Variants in HS3ST4 observed in about 807,000 individuals in gnomAD.
HS3ST4 encodes the protein heparan sulfate glucosamine 3-O-sulfotransferase 4.
Under a neutral mutation model 29.2 loss-of-function variants are expected in HS3ST4, and 17 were observed. The observed-to-expected ratio is 0.58, with a 90% confidence interval of 0.40 to 0.87. HS3ST4 has a LOEUF of 0.87. Ranked by LOEUF, HS3ST4 falls within the 40% of genes least tolerant of loss-of-function variation. The pLI is 0.00. For synonymous variants in HS3ST4, 314 were observed against 285.7 expected (o/e 1.10, Z -1.00); for missense variants, 627 against 634.5 (o/e 0.99, Z 0.13).
At chr16:25,884,237 G>A (rs1967925684) in intron 1 of HS3ST4, among the ~76,000 whole-genome samples, 2 of 152,146 alleles carry the variant, frequency 1.3e-5, no homozygotes, top group Non-Finnish European at 2.9e-5. Flanking sequence ...GAGATGAATT[G>A]AAGGAGTTCC....
At chr16:26,121,330 A>G (rs1899274848) in intron 1 of HS3ST4, among the ~76,000 whole-genome samples, 1 of 152,312 alleles carries the variant, frequency 6.6e-6, no homozygotes, top group South Asian at 2.1e-4. Context: ...TCGGGAGAAT[A>G]TGGTAGTGTC....
chr16:25,845,619 T>C (rs917240618), intron 1 of HS3ST4, among the ~76,000 whole-genome samples: 2 of 150,594 alleles, frequency 1.3e-5, no homozygotes, highest in Non-Finnish European at 2.9e-5. Flanking sequence ...TTCAAAATGA[T>C]TGTGCCAAGG....
intron 1 of HS3ST4, among the ~76,000 whole-genome samples, chr16:25,698,219 G>A (rs993934830): frequency 1.3e-5 from 2 of 152,130 alleles, no homozygotes; most frequent in South Asian, 4.1e-4. Flanking sequence ...CATGTACCAC[G>A]AGGCCAGGAC....
chr16:25,914,757 G>A (rs1968275985), intron 1 of HS3ST4, among the ~76,000 whole-genome samples: 1 of 151,816 alleles, frequency 6.6e-6, no homozygotes, highest in African/African-American at 2.4e-5. Context: ...GCAGCGGAGG[G>A]CGGGTCTGGA....
In HS3ST4 at chr16:25,873,636, TCATCCATCCATCCATCCGTCCGTCCATC is replaced by T. The variant is rs1390500293; in HGVS notation, c.734+180503_734+180530del. Among the ~76,000 whole-genome samples the T allele has an allele frequency of 2.9e-3, 286 of 97,970 alleles. 3 individuals are homozygous for T. The highest frequency in any genetic ancestry group is 4.2e-3 in the South Asian group (12 of 2,886). The allele number at this position is 97,970 out of a possible 152,430, so 64.3% of individuals were successfully genotyped here. A position where few individuals can be genotyped will look rare whatever the true frequency, so the allele number is the denominator to read the frequency against. On this transcript the variant is annotated intron_variant, in intron 1 of 1. Transcript: ENST00000331351. ...CCCATCAATCTACCCACCCATCCAT[TCATCCATCCATCCATCCGTCCGTCCATC>T]CATCCATCCATCCATCCATCCATCC...
At chr16:25,824,490 G>T (rs1967196742) in intron 1 of HS3ST4, among the ~76,000 whole-genome samples, 1 of 152,196 alleles carries the variant, frequency 6.6e-6, no homozygotes. Context: ...TTACATGGCA[G>T]CAGGCAAGAG....
In HS3ST4 at chr16:26,111,536, T is replaced by TG. The variant is rs374867720; in HGVS notation, c.735-24074dup. ...TGAAGCTATAATGAAAACAAGGGGATGGTTAATATATAATTCAGTATAGTA... is the reference window on the plus strand; with the variant it reads ...TGAAGCTATAATGAAAACAAGGGGATGGGTTAATATATAATTCAGTATAGTA... On this transcript the variant is annotated intron_variant, in intron 1 of 1. Transcript: ENST00000331351. Among the ~76,000 whole-genome samples the TG allele has an allele frequency of 7.0e-3, 1,065 of 152,168 alleles. 15 individuals are homozygous for TG. Among genetic ancestry groups the TG allele is most frequent in the African/African-American group, 0.025 (1,028 of 41,518 alleles).
intron 1 of HS3ST4, among the ~76,000 whole-genome samples, chr16:26,127,985 T>A (rs1899368154): frequency 6.6e-6 from 1 of 152,098 alleles, no homozygotes; most frequent in Non-Finnish European, 1.5e-5. Flanking sequence ...CAAGCCGAGC[T>A]CCTCTTTCCC....
intron 1 of HS3ST4, among the ~76,000 whole-genome samples, chr16:25,988,243 G>A (rs564566368): frequency 6.6e-6 from 1 of 152,334 alleles, no homozygotes; most frequent in South Asian, 2.1e-4. Flanking sequence ...TGGCTGTGCT[G>A]AAGCCTTGCT....
intron 1 of HS3ST4, among the ~76,000 whole-genome samples, chr16:25,818,987 A>G (rs1596580524): frequency 6.6e-6 from 1 of 152,196 alleles, no homozygotes; most frequent in African/African-American, 2.4e-5. Flanking sequence ...CTGGGGTTCC[A>G]TGCAGGACCC....
intron 1 of HS3ST4, among the ~76,000 whole-genome samples, chr16:25,948,343 A>T (rs1968649957): frequency 6.7e-6 from 1 of 150,172 alleles, no homozygotes; most frequent in Admixed American, 6.7e-5. Context: ...GTTATATGCA[A>T]TTTTTTTTTT....
rs141112902 is a variant in HS3ST4, at chr16:25,946,823, G to GA, written c.735-188781dup. Among the ~76,000 whole-genome samples the GA allele has an allele frequency of 7.9e-4, 120 of 151,634 alleles. 1 individual carries two copies. The highest frequency in any genetic ancestry group is 2.5e-3 in the African/African-American group (103 of 41,322). ...AGAGGTAAGTAGGCAAAGAGATAGGGAAAAAAAACACTTCTAGCAGCAAGG... is the reference window on the plus strand; with the variant it reads ...AGAGGTAAGTAGGCAAAGAGATAGGGAAAAAAAAACACTTCTAGCAGCAAGG... On this transcript the variant is annotated intron_variant, in intron 1 of 1. Coordinates refer to ENST00000331351, the MANE Select transcript of HS3ST4 (RefSeq NM_006040.3).
chr16:26,073,337 C>T lies in HS3ST4; in HGVS notation c.735-62275C>T, dbSNP rs189026198. 4.4e-4 allele frequency among the ~76,000 whole-genome samples: 67 copies of T among 151,612 alleles called. 1 individual carries two copies. The highest frequency in any genetic ancestry group is 4.2e-3 in the Admixed American group (63 of 15,166). The stretch of plus-strand genomic sequence containing the variant: ...AGATTAGGCAAATTTGGAGATCTAT[C>T]ATGCTTCAAGAGTTCAGATCTTTTC... On this transcript the variant is annotated intron_variant, in intron 1 of 1. Coordinates refer to ENST00000331351, the MANE Select transcript of HS3ST4 (RefSeq NM_006040.3).
At chr16:25,790,910 TAATC>T (rs1342217030) in intron 1 of HS3ST4, among the ~76,000 whole-genome samples, 1 of 152,348 alleles carries the variant, frequency 6.6e-6, no homozygotes, top group South Asian at 2.1e-4. Context: ...ATAGCCTAGT[TAATC>T]AATATCTTTC....
chr16:25,790,218 G>C (rs60774869), intron 1 of HS3ST4, among the ~76,000 whole-genome samples: 8,975 of 152,090 alleles, frequency 0.059, 839 homozygotes, highest in African/African-American at 0.2. Context: ...CAAGACCACC[G>C]TGGCCAACAT....
At chr16:26,085,901 TAATAATAATAAC>T (rs1230504107) in intron 1 of HS3ST4, among the ~76,000 whole-genome samples, 1 of 74,366 alleles carries the variant, frequency 1.3e-5, no homozygotes, top group Non-Finnish European at 3.1e-5. Flanking sequence ...ATAATAATAA[TAATAATAATAAC>T]AATAATAATA....
At chr16:25,880,773 A>G (rs984430350) in intron 1 of HS3ST4, among the ~76,000 whole-genome samples, 1 of 152,208 alleles carries the variant, frequency 6.6e-6, no homozygotes. Flanking sequence ...AGTAACAGGC[A>G]TGTGGAATGA....
At chr16:25,805,995 T>G (rs2141626249) in intron 1 of HS3ST4, among the ~76,000 whole-genome samples, 1 of 152,312 alleles carries the variant, frequency 6.6e-6, no homozygotes, top group South Asian at 2.1e-4. Flanking sequence ...CTGAGGATAA[T>G]GGCTTCCAGC....
At chr16:25,928,959 A>T (rs903684942) in intron 1 of HS3ST4, among the ~76,000 whole-genome samples, 3 of 152,168 alleles carry the variant, frequency 2.0e-5, no homozygotes, top group African/African-American at 7.2e-5. Context: ...GCATTTAGAG[A>T]ACTGTAAGTA....
Sources: allele counts gnomAD v4.1 joint callset (sites outside exome capture counted in the v4.1 genomes callset), GRCh38; gene constraint gnomAD v4.1.1; transcripts MANE v1.5; gene names NCBI Gene and HGNC (gene_info 2026-07-23, HGNC 2026-07-21).